Variants in SHANK2 observed in about 807,000 individuals in gnomAD.
The protein encoded by SHANK2 is SH3 and multiple ankyrin repeat domains protein 2.
In SHANK2, 43 loss-of-function variants were observed where a neutral mutation model predicts 133.7. That is an observed-to-expected ratio of 0.32 (90% CI 0.25 to 0.41). The LOEUF (loss-of-function observed/expected upper bound fraction) is 0.41. Among genes scored for constraint, SHANK2 ranks in the 10% least tolerant of loss-of-function variants. SHANK2 has a pLI of 1.00. For synonymous variants in SHANK2, 1,017 were observed against 952.8 expected (o/e 1.07, Z -1.24); for missense variants, 1,994 against 2,235.8 (o/e 0.89, Z 2.18).
At chr11:70,885,235 G>C (rs1466244432) in intron 11 of SHANK2, among the ~76,000 whole-genome samples, 1 of 150,506 alleles carries the variant, frequency 6.6e-6, no homozygotes, top group African/African-American at 2.4e-5. Flanking sequence ...GTCAGGCTAG[G>C]GCACAGTGGA....
At chr11:70,735,624 A>T (rs1772869531) in intron 14 of SHANK2, among the ~76,000 whole-genome samples, 1 of 151,496 alleles carries the variant, frequency 6.6e-6, no homozygotes, top group Non-Finnish European at 1.5e-5. Flanking sequence ...GAATTGCTTG[A>T]ACCTAGGAGG....
At chr11:70,630,244 C>A (rs532928810) in intron 17 of SHANK2, among the ~76,000 whole-genome samples, 2 of 152,200 alleles carry the variant, frequency 1.3e-5, no homozygotes, top group African/African-American at 4.8e-5. Flanking sequence ...TGAGGCCAGA[C>A]GGCAGGCAGC....
chr11:70,716,468 G>A (rs1384511999), intron 14 of SHANK2, among the ~76,000 whole-genome samples: 23 of 152,354 alleles, frequency 1.5e-4, no homozygotes, highest in East Asian at 7.7e-4. Context: ...CGCCCTGATC[G>A]TGTGGGAAGA....
chr11:70,512,804 C>A (rs142831703), intron 17 of SHANK2, among the ~76,000 whole-genome samples: 2 of 152,262 alleles, frequency 1.3e-5, no homozygotes, highest in Admixed American at 1.3e-4. Context: ...GGTTCAAAAA[C>A]CTCATTTTTT....
intron 3 of SHANK2, among the ~76,000 whole-genome samples, chr11:71,136,276 C>T (rs1487364893): frequency 6.6e-6 from 1 of 152,162 alleles, no homozygotes; most frequent in Non-Finnish European, 1.5e-5. Context: ...ATCAAGGAAA[C>T]GTGGTGCATA....
intron 10 of SHANK2, among the ~76,000 whole-genome samples, chr11:70,932,722 C>T (rs1378427503): frequency 6.6e-6 from 1 of 152,194 alleles, no homozygotes; most frequent in African/African-American, 2.4e-5. Flanking sequence ...CCTAACTACA[C>T]CCCCTGCCTA....
At chr11:70,528,508 T>C (rs2059426891) in intron 17 of SHANK2, among the ~76,000 whole-genome samples, 1 of 152,058 alleles carries the variant, frequency 6.6e-6, no homozygotes, top group Non-Finnish European at 1.5e-5. Context: ...TACTGCGCAG[T>C]GTTCAAGTTG....
chr11:70,897,941 TACAC>T (rs142602596), intron 10 of SHANK2, among the ~76,000 whole-genome samples: 2 of 149,186 alleles, frequency 1.3e-5, no homozygotes, highest in Admixed American at 6.7e-5. Flanking sequence ...AATATACATA[TACAC>T]ACACACACAC....
chr11:71,094,879 G>A (rs2135127218), intron 6 of SHANK2, among the ~76,000 whole-genome samples, 191 bp from the exon 7 acceptor site: 1 of 152,366 alleles, frequency 6.6e-6, no homozygotes, highest in East Asian at 1.9e-4. Flanking sequence ...CCCGTGCGAT[G>A]CAGTGACACG....
chr11:70,919,896 T>C (rs1422087505), intron 10 of SHANK2, among the ~76,000 whole-genome samples: 6 of 152,206 alleles, frequency 3.9e-5, no homozygotes, highest in African/African-American at 1.4e-4. Context: ...GCTCATTCCA[T>C]GGATGTCTTT....
chr11:71,082,803 C>A (rs1479744704), intron 8 of SHANK2, among the ~76,000 whole-genome samples: 1 of 152,164 alleles, frequency 6.6e-6, no homozygotes, highest in African/African-American at 2.4e-5. Flanking sequence ...CATTTAAATG[C>A]GATAAATAAC....
chr11:70,762,207 G>C (rs931698608), intron 14 of SHANK2, among the ~76,000 whole-genome samples: 2 of 151,696 alleles, frequency 1.3e-5, no homozygotes, highest in Non-Finnish European at 2.9e-5. Flanking sequence ...AAGCCAACGC[G>C]GTAGTTCTCA....
chr11:70,578,879 G>A (rs1032840884), intron 17 of SHANK2, among the ~76,000 whole-genome samples: 4 of 152,130 alleles, frequency 2.6e-5, no homozygotes, highest in South Asian at 2.1e-4. Context: ...ACCATCTGCC[G>A]GGTCACTCTC....
chr11:71,106,248 T>C (rs150558462), intron 6 of SHANK2, among the ~76,000 whole-genome samples: 343 of 152,352 alleles, frequency 2.3e-3, no homozygotes, highest in African/African-American at 8.0e-3. Flanking sequence ...GTTCATAAAA[T>C]TGCCATTTGG....
chr11:70,929,743 G>T (rs1166698723), intron 10 of SHANK2, among the ~76,000 whole-genome samples: 1 of 152,198 alleles, frequency 6.6e-6, no homozygotes, highest in African/African-American at 2.4e-5. Context: ...CATCTGCAAA[G>T]TCCCTTTTGC....
chr11:70,494,486 G>A (rs1002904235), intron 21 of SHANK2, among the ~76,000 whole-genome samples: 1 of 152,132 alleles, frequency 6.6e-6, no homozygotes, highest in East Asian at 1.9e-4. Context: ...TAGAGACGGG[G>A]TTTCACCATG....
intron 11 of SHANK2, chr11:70,863,938 G>A (rs1555068493): frequency 2.3e-6 from 1 of 432,898 alleles, no homozygotes; most frequent in Middle Eastern, 3.4e-4. Context: ...ACAACGGTGA[G>A]AGAATGTTTC....
At chr11:71,133,445 G>C (rs1952370555) in intron 3 of SHANK2, among the ~76,000 whole-genome samples, 1 of 144,058 alleles carries the variant, frequency 6.9e-6, no homozygotes, top group Non-Finnish European at 1.5e-5. Flanking sequence ...GGGAGGGACG[G>C]ACGGACAGAC....
chr11:70,570,177 G>A (rs2060028371), intron 17 of SHANK2, among the ~76,000 whole-genome samples: 2 of 152,186 alleles, frequency 1.3e-5, no homozygotes, highest in Non-Finnish European at 2.9e-5. Context: ...CGAGAGTCCT[G>A]GAGAAAGTAG....
Sources: gnomAD v4.1 joint callset for allele counts (sites outside exome capture counted in the v4.1 genomes callset) on GRCh38, gnomAD v4.1.1 for gene constraint, MANE v1.5 for transcripts, NCBI Gene and HGNC (gene_info 2026-07-23, HGNC 2026-07-21) for gene names.